HLCS: variants seen among roughly 807,000 people sequenced by gnomAD.
The protein encoded by HLCS is biotin--protein ligase.
HLCS carries 53 observed loss-of-function variants against 75.0 expected under a neutral mutation model. The ratio of observed to expected loss-of-function variants is 0.71; its 90% CI spans 0.57 to 0.89. The LOEUF (loss-of-function observed/expected upper bound fraction) is 0.89, where lower values mean the gene tolerates loss of function less well. HLCS is among the 40% of genes least tolerant of loss of function. HLCS has a pLI of 0.00. For missense variants in HLCS, 966 were observed against 1,074.0 expected, an observed-to-expected ratio of 0.90 and a Z score of 1.41; for synonymous variants, 431 against 428.6, an observed-to-expected ratio of 1.01 and a Z score of -0.07.
intron 2 of HLCS, among the ~76,000 whole-genome samples, chr21:36,954,742 TTAAAAAAACAA>T (rs1173321385): frequency 1.1e-5 from 1 of 95,214 alleles, no homozygotes; most frequent in Non-Finnish European, 2.3e-5. Context: ...CTTCTACTTA[TTAAAAAAACAA>T]AACAAAACAA....
chr21:36,833,541 T>C (rs941145411), intron 6 of HLCS, among the ~76,000 whole-genome samples: 9 of 149,728 alleles, frequency 6.0e-5, no homozygotes, highest in Non-Finnish European at 1.2e-4. Context: ...GCCAAGATCA[T>C]GCCACTGCAC....
chr21:36,798,941 A>G (rs560174812), intron 6 of HLCS, among the ~76,000 whole-genome samples: 1 of 152,286 alleles, frequency 6.6e-6, no homozygotes, highest in South Asian at 2.1e-4. Context: ...TTTGTCAGAT[A>G]TATGTCTTGC....
chr21:36,944,365 AGAATT>A (rs1362121122), intron 2 of HLCS, among the ~76,000 whole-genome samples: 1 of 152,210 alleles, frequency 6.6e-6, no homozygotes, highest in African/African-American at 2.4e-5. Flanking sequence ...CCAAGTAGAA[AGAATT>A]GAATAGAAAG....
chr21:36,982,452 T>C lies in HLCS; in HGVS notation c.-393+7706A>G, dbSNP rs117404921. ...CTGTTTTCCAAAGCAGTTATACCAA[T>C]GTACACTCCCATTAAAAGTGACTTT... On this transcript the variant is annotated intron_variant, in intron 1 of 11. Coordinates refer to the HLCS transcript ENST00000336648. Among the ~76,000 whole-genome samples, 1,144 of 152,348 alleles carry C rather than the reference T, an allele frequency of 7.5e-3. 13 individuals carry two copies. Among genetic ancestry groups the C allele is most frequent in the South Asian group, 0.041 (196 of 4,828 alleles).
At chr21:36,900,633 AGAAGAGCCT>A (rs1239749520) in intron 5 of HLCS, among the ~76,000 whole-genome samples, 1 of 152,164 alleles carries the variant, frequency 6.6e-6, no homozygotes, top group African/African-American at 2.4e-5. Context: ...TCCTGTGTTG[AGAAGAGCCT>A]GAAGGGGAAC....
intron 6 of HLCS, among the ~76,000 whole-genome samples, chr21:36,808,379 C>T (rs769650056): frequency 1.2e-4 from 19 of 152,076 alleles, no homozygotes; most frequent in Non-Finnish European, 2.2e-4. Flanking sequence ...TCCTCTGTTC[C>T]CCATTTCCTG....
In HLCS at chr21:36,812,832, G is replaced by A. The variant is rs180905103; in HGVS notation, c.1893-45547C>T. Among the ~76,000 whole-genome samples, 255 of 152,300 alleles carry A rather than the reference G, an allele frequency of 1.7e-3. 2 individuals are homozygous for A. Among genetic ancestry groups the A allele is most frequent in the African/African-American group, 5.6e-3 (232 of 41,552 alleles). On this transcript the variant is annotated intron_variant, in intron 6 of 10. Transcript: ENST00000674895. The stretch of plus-strand genomic sequence containing the variant: ...CCAGCACTTTGGGAGGCCGAGGTGC[G>A]AGGATGGCTTGAGTCCAGGATTTCA...
chr21:36,858,080 G>A (rs1425318122), intron 6 of HLCS, among the ~76,000 whole-genome samples: 6 of 152,162 alleles, frequency 3.9e-5, no homozygotes, highest in East Asian at 1.9e-4. Flanking sequence ...GAGCCACTGC[G>A]CCTGGCCAGG....
chr21:36,881,589 A>T (rs1012267974), intron 6 of HLCS, among the ~76,000 whole-genome samples: 2 of 152,210 alleles, frequency 1.3e-5, no homozygotes, highest in South Asian at 2.1e-4. Context: ...AGGCAGAGAG[A>T]ACTTGTAACA....
chr21:36,922,331 C>T (rs1400276455), intron 5 of HLCS, among the ~76,000 whole-genome samples: 1 of 152,152 alleles, frequency 6.6e-6, no homozygotes, highest in East Asian at 1.9e-4. Context: ...GGAACAGAAA[C>T]TCCAATATTC....
In HLCS at chr21:36,886,077, T is replaced by C. The variant is rs77261075; in HGVS notation, c.1892+10783A>G. 6.6e-5 allele frequency among the ~76,000 whole-genome samples: 10 copies of C among 151,210 alleles called. No individual in the cohort carries two copies. The South Asian group carries it at 1.7e-3, about 26-fold the overall frequency. ...ACCATGTTATCTACTTTTTTTTTTT[T>C]CCTAAAAGTCTCATACACCCTCAAA... On this transcript the variant is annotated intron_variant, in intron 6 of 10. Coordinates refer to ENST00000674895, the MANE Select transcript of HLCS (RefSeq NM_001352514.2).
chr21:36,754,049 T>G lies in HLCS; in HGVS notation c.*197A>C, dbSNP rs914170919. On this transcript the variant is annotated 3_prime_UTR_variant, in exon 11 of 11. Coordinates refer to ENST00000674895, the MANE Select transcript of HLCS (RefSeq NM_001352514.2). ...TTCCCTAAACTAAATTTTCTACTTC[T>G]TAACCATCTATCCCAGAGCCTCTTC... 3.3e-5 allele frequency: 21 copies of G among 645,958 alleles called. No homozygotes were observed. In the African/African-American group the frequency reaches 3.5e-4, roughly 11 times the overall value. The allele number at this position is 645,958 out of a possible 1,614,324, so 40.0% of individuals were successfully genotyped here. A position where few individuals can be genotyped will look rare whatever the true frequency, so the allele number is the denominator to read the frequency against.
At chr21:36,837,490 T>C (rs2062454795) in intron 6 of HLCS, among the ~76,000 whole-genome samples, 1 of 152,126 alleles carries the variant, frequency 6.6e-6, no homozygotes, top group African/African-American at 2.4e-5. Flanking sequence ...CCAAACAGAA[T>C]GAAAGTGTCT....
intron 1 of HLCS, chr21:36,980,912 G>A: frequency 6.5e-6 from 1 of 153,116 alleles, no homozygotes; most frequent in Non-Finnish European, 1.5e-5. Flanking sequence ...CCTGCACAGC[G>A]CACTTCCCGC....
chr21:36,920,841 A>G (rs2066134360), intron 5 of HLCS, among the ~76,000 whole-genome samples: 1 of 152,188 alleles, frequency 6.6e-6, no homozygotes, highest in African/African-American at 2.4e-5. Flanking sequence ...GAAAAACTTA[A>G]ATCCTGAAAT....
At position 36,754,400 on chromosome 21, in the gene HLCS, A is replaced by C; in HGVS notation, c.2468T>G (p.Leu823Arg). ...CACCTTTGGTCCCTCTGCGCTGCCC[A>C]GATGGACTTGCTGACCACTGAAAAG... ...YWVHSGQQVH[L>R]GSAEGPKVSI... Residue 823 changes from leucine (L) to arginine (R), a missense_variant, in exon 11 of 11, where the codon CTG becomes CGG. By Grantham distance (102) the Leu-to-Arg change is moderately radical. Transcript: ENST00000674895. 1 of 1,613,174 alleles carries C rather than the reference A, an allele frequency of 6.2e-7. No individual in the cohort carries two copies. The highest frequency in any genetic ancestry group is 8.5e-7 in the Non-Finnish European group (1 of 1,179,946).
At chr21:36,866,931 C>G in intron 6 of HLCS, among the ~76,000 whole-genome samples, 1 of 151,256 alleles carries the variant, frequency 6.6e-6, no homozygotes, top group Admixed American at 6.6e-5. Flanking sequence ...CATTTTTTCC[C>G]TTTTGGGGGA....
chr21:36,819,613 G>C (rs1040745223), intron 6 of HLCS, among the ~76,000 whole-genome samples: 1 of 152,118 alleles, frequency 6.6e-6, no homozygotes, highest in African/African-American at 2.4e-5. Flanking sequence ...TACAGCATCT[G>C]TTTTACACAC....
At chr21:36,755,563 G>A (rs948435233) in intron 10 of HLCS, among the ~76,000 whole-genome samples, 1 of 152,152 alleles carries the variant, frequency 6.6e-6, no homozygotes, top group Non-Finnish European at 1.5e-5. Flanking sequence ...CCATGTTCAC[G>A]TCATTCCCAC....
Sources: gnomAD v4.1 joint callset for allele counts (sites outside exome capture counted in the v4.1 genomes callset) on GRCh38, gnomAD v4.1.1 for gene constraint, MANE v1.5 for transcripts, NCBI Gene and HGNC (gene_info 2026-07-23, HGNC 2026-07-21) for gene names.